AZIN1: variants seen among roughly 807,000 people sequenced by gnomAD.
AZIN1 encodes the protein antizyme inhibitor 1.
A neutral mutation model predicts 47.4 loss-of-function variants in AZIN1; 12 were observed. The ratio of observed to expected loss-of-function variants is 0.25; its 90% confidence interval spans 0.16 to 0.41. AZIN1 has a LOEUF of 0.41. Ranked by LOEUF, AZIN1 falls within the 10% of genes least tolerant of loss-of-function variation. The pLI is 1.00. For synonymous variants in AZIN1, 155 were observed against 176.3 expected (o/e 0.88, Z 0.96); for missense variants, 410 against 532.4 (o/e 0.77, Z 2.26).
Position 102,833,287 on chromosome 8 carries a change from A to T in AZIN1, c.742-69T>A, listed in dbSNP as rs570706340. The T allele has an allele frequency of 7.5e-5, 108 of 1,432,876 alleles. 1 individual carries two copies. The African/African-American group carries it at 1.5e-3, about 19-fold the overall frequency. 88.8% of individuals were successfully genotyped at this position (1,432,876 alleles called of 1,614,324 possible). On this transcript the variant is annotated intron_variant, in intron 8 of 11. Coordinates refer to ENST00000337198, the MANE Select transcript of AZIN1 (RefSeq NM_148174.4). ...GATAATTCGCAATATTCAGAGATTG[A>T]TATTAACAAAATTTTCTAGGAAAAT...
intron 2 of AZIN1, among the ~76,000 whole-genome samples, chr8:102,849,000 T>A (rs1164312908): frequency 6.6e-6 from 1 of 152,126 alleles, no homozygotes; most frequent in Admixed American, 6.6e-5. Context: ...ACTAAGTTAA[T>A]CTACCTCAAT....
In AZIN1 at chr8:102,827,947, T is replaced by A. The variant is rs1563525084; in HGVS notation, c.*620A>T. 1 of 152,564 alleles carries A rather than the reference T, an allele frequency of 6.6e-6. No homozygotes were observed. The highest frequency in any genetic ancestry group is 1.5e-5 in the Non-Finnish European group (1 of 68,016). The allele number at this position is 152,564 out of a possible 1,614,324, so 9.5% of individuals were successfully genotyped here. On this transcript the variant is annotated 3_prime_UTR_variant, in exon 12 of 12. Transcript: ENST00000337198. ...AAAACAGTCCATATACACATCTATT[T>A]CAAAACTACCTTTGCTAGCTAGCCC...
At chr8:102,833,754 T>A (rs1386040451) in intron 8 of AZIN1, among the ~76,000 whole-genome samples, 1 of 1,892 alleles carries the variant, frequency 5.3e-4, no homozygotes, top group Admixed American at 0.022. Flanking sequence ...AAAGACTCAA[T>A]TTTTTTTTTT....
intron 10 of AZIN1, 91 bp downstream of exon 10, chr8:102,829,730 G>T: frequency 9.9e-7 from 1 of 1,008,406 alleles, no homozygotes; most frequent in Non-Finnish European, 1.5e-6. Context: ...CCCATTCTAA[G>T]ATGTTTTTCA....
At chr8:102,834,831 TATTC>T in intron 6 of AZIN1, 84 bp from the exon 7 acceptor site, 2 of 858,864 alleles carry the variant, frequency 2.3e-6, no homozygotes, top group Non-Finnish European at 3.8e-6. Context: ...TCACTCATCA[TATTC>T]ATACCATTAA....
intron 2 of AZIN1, among the ~76,000 whole-genome samples, chr8:102,852,869 C>A (rs970807440): frequency 3.9e-5 from 6 of 152,158 alleles, no homozygotes; most frequent in African/African-American, 1.2e-4. Context: ...ATCTGTGCTC[C>A]CTGGGGCCTC....
At chr8:102,829,021 A>T (rs561273308) in intron 11 of AZIN1, among the ~76,000 whole-genome samples, 1 of 152,390 alleles carries the variant, frequency 6.6e-6, no homozygotes. Flanking sequence ...TAAACAGAGT[A>T]ACATGCTGTA....
chr8:102,856,290 C>T lies in AZIN1; in HGVS notation c.-96+1723G>A, dbSNP rs551655935. 9.9e-4 allele frequency among the ~76,000 whole-genome samples: 150 copies of T among 152,214 alleles called. 1 individual carries two copies. Among genetic ancestry groups the T allele is most frequent in the African/African-American group, 3.4e-3 (141 of 41,562 alleles). On this transcript the variant is annotated intron_variant, in intron 2 of 11. Transcript: ENST00000337198. ...ATTTAAAGAAGTTATATTTGTTTGA[C>T]ATAATATGCATTGTACCCGGGCATA...
In AZIN1 at chr8:102,842,102, A is replaced by T. The variant is rs536512923; in HGVS notation, c.102+1449T>A. 3.9e-4 allele frequency among the ~76,000 whole-genome samples: 59 copies of T among 151,840 alleles called. 1 individual carries two copies. The highest frequency in any genetic ancestry group is 4.4e-4 in the Non-Finnish European group (30 of 67,944). On this transcript the variant is annotated intron_variant, in intron 3 of 11. Coordinates refer to ENST00000337198, the MANE Select transcript of AZIN1 (RefSeq NM_148174.4). ...CTCCAGCCTGGGCAACAAGAGTGAA[A>T]CTTCGTCTCAAAGAGAAAAAAAAAA...
At chr8:102,831,380 G>C (rs1334155544) in intron 9 of AZIN1, among the ~76,000 whole-genome samples, 1 of 151,382 alleles carries the variant, frequency 6.6e-6, no homozygotes, top group African/African-American at 2.4e-5. Context: ...AAAACAGGTA[G>C]TTTACAGAGT....
At chr8:102,837,368 G>GT (rs879699727) in intron 5 of AZIN1, among the ~76,000 whole-genome samples, 4 of 152,208 alleles carry the variant, frequency 2.6e-5, no homozygotes, top group African/African-American at 7.2e-5. Context: ...CAGGAGCTGA[G>GT]TAATTACAAA....
intron 9 of AZIN1, among the ~76,000 whole-genome samples, chr8:102,831,138 A>T (rs1238177074): frequency 6.6e-6 from 1 of 152,228 alleles, no homozygotes; most frequent in Non-Finnish European, 1.5e-5. Flanking sequence ...AGCCTGGAAC[A>T]TCTTGATATA....
intron 2 of AZIN1, among the ~76,000 whole-genome samples, chr8:102,845,533 T>C (rs1812515422): frequency 6.6e-6 from 1 of 152,238 alleles, no homozygotes; most frequent in Admixed American, 6.5e-5. Flanking sequence ...GCTGTAAATC[T>C]GTGCCCAGAA....
intron 6 of AZIN1, 152 bp downstream of exon 6, chr8:102,836,104 A>C: frequency 1.2e-6 from 1 of 809,618 alleles, no homozygotes; most frequent in Non-Finnish European, 1.9e-6. Flanking sequence ...TGTTTTGCCT[A>C]AACTAAGAAG....
At chr8:102,839,570 A>C (rs1812043585) in intron 4 of AZIN1, 80 bp downstream of exon 4, 11 of 1,041,088 alleles carry the variant, frequency 1.1e-5, no homozygotes, top group Non-Finnish European at 1.4e-5. Context: ...ACTTCCTTGC[A>C]TTTGTTCTCT....
rs76839130 is a variant in AZIN1 at position 102,829,709 on chromosome 8, G to A, written c.1020+112C>T. ...CCAGAAGAACGCAAATCCTCAAAAA[G>A]GACATTTTTCCCCATTCTAAGATGT... On this transcript the variant is annotated intron_variant, in intron 10 of 11. Transcript: ENST00000337198. 510 of 914,426 alleles carry A rather than the reference G, an allele frequency of 5.6e-4. 2 individuals are homozygous for A. The African/African-American group carries it at 7.5e-3, about 13-fold the overall frequency. 56.6% of individuals were successfully genotyped at this position (914,426 alleles called of 1,614,324 possible).
chr8:102,848,862 G>A (rs377513627), intron 2 of AZIN1, among the ~76,000 whole-genome samples: 61 of 152,140 alleles, frequency 4.0e-4, no homozygotes, highest in Admixed American at 1.2e-3. Context: ...GTTTTCAGGA[G>A]GTATTAAAGT....
intron 5 of AZIN1, among the ~76,000 whole-genome samples, chr8:102,837,593 A>G (rs758830766): frequency 1.8e-4 from 28 of 152,320 alleles, no homozygotes; most frequent in Non-Finnish European, 3.7e-4. Context: ...CTAACATACT[A>G]AACATCACAA....
chr8:102,836,161 G>T, intron 6 of AZIN1, 95 bp downstream of exon 6: 1 of 1,348,456 alleles, frequency 7.4e-7, no homozygotes, highest in Non-Finnish European at 1.0e-6. Flanking sequence ...TTGCATCTTA[G>T]ATTTCATGCA....
Sources: gnomAD v4.1 joint callset for allele counts (sites outside exome capture counted in the v4.1 genomes callset) on GRCh38, gnomAD v4.1.1 for gene constraint, MANE v1.5 for transcripts, NCBI Gene and HGNC (gene_info 2026-07-23, HGNC 2026-07-21) for gene names.